Variants in CNTN5 observed in about 807,000 individuals in gnomAD.
The protein encoded by CNTN5 is contactin-5.
A neutral mutation model predicts 129.1 loss-of-function variants in CNTN5; 77 were observed. That is an observed-to-expected ratio of 0.60 (90% CI 0.50 to 0.72). The LOEUF is 0.72. Among genes scored for constraint, CNTN5 ranks in the 30% least tolerant of loss-of-function variants. CNTN5 has a pLI of 0.00. For missense variants in CNTN5, 1,478 were observed against 1,328.8 expected (o/e 1.11, Z -1.75); for synonymous variants, 509 against 465.6 (o/e 1.09, Z -1.20).
intron 13 of CNTN5, among the ~76,000 whole-genome samples, chr11:100,109,376 A>C (rs1945568368): frequency 6.6e-6 from 1 of 152,168 alleles, no homozygotes. Context: ...CAGTAAGCCA[A>C]GATTGCGCCG....
At chr11:99,510,586 T>G (rs954990347) in intron 2 of CNTN5, among the ~76,000 whole-genome samples, 1 of 152,170 alleles carries the variant, frequency 6.6e-6, no homozygotes, top group Non-Finnish European at 1.5e-5. Flanking sequence ...CCCATAACAA[T>G]GTTTTGGTCA....
chr11:100,219,850 A>G (rs1231750570), intron 15 of CNTN5, among the ~76,000 whole-genome samples: 1 of 152,252 alleles, frequency 6.6e-6, no homozygotes, highest in Non-Finnish European at 1.5e-5. Flanking sequence ...TCAAGCATGT[A>G]GGTTAAATAT....
intron 1 of CNTN5, among the ~76,000 whole-genome samples, chr11:99,321,275 G>A (rs2135997007): frequency 6.6e-6 from 1 of 150,756 alleles, no homozygotes; most frequent in South Asian, 2.1e-4. Context: ...ACATCCTACT[G>A]GTTCTGTTTC....
intron 3 of CNTN5, among the ~76,000 whole-genome samples, chr11:99,658,654 C>CA: frequency 6.8e-6 from 1 of 147,398 alleles, no homozygotes; most frequent in Non-Finnish European, 1.5e-5. Context: ...GGTGGATCAC[C>CA]TGAGGTCAGG....
chr11:99,308,925 G>T (rs980789680), intron 1 of CNTN5, among the ~76,000 whole-genome samples: 1 of 151,986 alleles, frequency 6.6e-6, no homozygotes, highest in South Asian at 2.1e-4. Flanking sequence ...CTGCTTTTAA[G>T]CCCATCCAAT....
intron 3 of CNTN5, among the ~76,000 whole-genome samples, chr11:99,695,296 A>G (rs754699892): frequency 5.9e-5 from 9 of 151,966 alleles, no homozygotes; most frequent in Admixed American, 1.3e-4. Context: ...AGATACAGGG[A>G]ATCTAGGACA....
chr11:99,940,466 T>TA (rs1700222182), intron 7 of CNTN5, among the ~76,000 whole-genome samples: 1 of 152,138 alleles, frequency 6.6e-6, no homozygotes, highest in African/African-American at 2.4e-5. Flanking sequence ...AATGGCCACA[T>TA]AAAGGCTAGT....
chr11:99,868,291 C>T (rs1441455427), intron 6 of CNTN5, among the ~76,000 whole-genome samples: 1 of 151,436 alleles, frequency 6.6e-6, no homozygotes, highest in Non-Finnish European at 1.5e-5. Flanking sequence ...AGAAAATATG[C>T]AACAACAATA....
intron 1 of CNTN5, among the ~76,000 whole-genome samples, chr11:99,133,826 G>A (rs796766002): frequency 2.2e-4 from 34 of 152,176 alleles, no homozygotes; most frequent in African/African-American, 7.7e-4. Flanking sequence ...AAAATAGTTC[G>A]ACCATTGTGG....
At chr11:99,423,035 C>T (rs1325737880) in intron 2 of CNTN5, among the ~76,000 whole-genome samples, 1 of 152,152 alleles carries the variant, frequency 6.6e-6, no homozygotes, top group African/African-American at 2.4e-5. Flanking sequence ...ACAGGAAATA[C>T]ACTAAGAGAC....
chr11:99,439,433 C>T (rs759777809), intron 2 of CNTN5, among the ~76,000 whole-genome samples: 18 of 151,978 alleles, frequency 1.2e-4, no homozygotes, highest in Non-Finnish European at 2.2e-4. Flanking sequence ...CATAGACAGG[C>T]GCGGTGGCTC....
intron 17 of CNTN5, among the ~76,000 whole-genome samples, chr11:100,258,579 C>G (rs1002668112): frequency 4.6e-5 from 7 of 152,182 alleles, no homozygotes; most frequent in Non-Finnish European, 8.8e-5. Context: ...ATCAGACTAA[C>G]AGTGGATCTC....
Position 99,275,311 on chromosome 11 carries a change from T to A in CNTN5, c.-209-50035T>A, listed in dbSNP as rs1863375406. Among the ~76,000 whole-genome samples, 7 of 151,654 alleles carry A rather than the reference T, an allele frequency of 4.6e-5. No individual in the cohort carries two copies. In the South Asian group the frequency reaches 1.5e-3, roughly 32 times the overall value. On this transcript the variant is annotated intron_variant, in intron 1 of 24. Transcript: ENST00000524871. ...CCACTCCCTAAAGTAGTCTTTTCTG[T>A]GTGGTTAAAACACAGAAAAATGTAA...
intron 1 of CNTN5, among the ~76,000 whole-genome samples, chr11:99,290,537 A>C (rs971670643): frequency 6.6e-6 from 1 of 151,816 alleles, no homozygotes; most frequent in Non-Finnish European, 1.5e-5. Context: ...TTCATTCTAC[A>C]TTTACTACAG....
At position 99,114,859 on chromosome 11, in the gene CNTN5, A is replaced by G. The variant is rs137880613; in HGVS notation, c.-210+93589A>G. ...TCCGTGTTATAGACTAAACATTTGT[A>G]TCTCCCTGAAACGTATATGTTAAGT... On this transcript the variant is annotated intron_variant, in intron 1 of 24. Transcript: ENST00000524871. 1.4e-3 allele frequency among the ~76,000 whole-genome samples: 207 copies of G among 152,312 alleles called. 1 individual carries two copies. The highest frequency in any genetic ancestry group is 0.01 in the Middle Eastern group (3 of 294).
At position 99,880,426 on chromosome 11, in the gene CNTN5, CCATT is replaced by C. The variant is rs371806632; in HGVS notation, c.577+35169_577+35172del. 2.4e-3 allele frequency among the ~76,000 whole-genome samples: 365 copies of C among 152,184 alleles called. 1 individual carries two copies. Among genetic ancestry groups the C allele is most frequent in the African/African-American group, 8.2e-3 (339 of 41,540 alleles). On this transcript the variant is annotated intron_variant, in intron 6 of 24. Coordinates refer to ENST00000524871, the MANE Select transcript of CNTN5 (RefSeq NM_014361.4). ...ATGAAAGAGAATAACTGTTTCTACT[CCATT>C]CATTTTTTTTCACTCGTGGTTAATG...
At chr11:100,088,041 A>T (rs1027807034) in intron 13 of CNTN5, among the ~76,000 whole-genome samples, 1 of 58,134 alleles carries the variant, frequency 1.7e-5, no homozygotes, top group African/African-American at 7.1e-5. Flanking sequence ...AGGCAGAAAT[A>T]AAAAAAAAAA....
intron 1 of CNTN5, among the ~76,000 whole-genome samples, chr11:99,202,923 C>A (rs1859282559): frequency 1.4e-5 from 2 of 147,612 alleles, no homozygotes; most frequent in African/African-American, 2.5e-5. Flanking sequence ...TAGGACGCAT[C>A]CAGAAAAGAG....
At chr11:99,035,329 G>T (rs1460825128) in intron 1 of CNTN5, among the ~76,000 whole-genome samples, 1 of 151,420 alleles carries the variant, frequency 6.6e-6, no homozygotes, top group South Asian at 2.1e-4. Context: ...TATCCTTGTT[G>T]ACTTTCTGTC....
Sources: gnomAD v4.1 joint callset for allele counts (sites outside exome capture counted in the v4.1 genomes callset) on GRCh38, gnomAD v4.1.1 for gene constraint, MANE v1.5 for transcripts, NCBI Gene and HGNC (gene_info 2026-07-23, HGNC 2026-07-21) for gene names.